AXDND1: variants seen among roughly 807,000 people sequenced by gnomAD.
AXDND1 encodes axonemal dynein light chain domain containing 1.
Under a neutral mutation model 137.5 loss-of-function variants are expected in AXDND1, and 110 were observed. The ratio of observed to expected loss-of-function variants is 0.80; its 90% CI spans 0.69 to 0.94. The LOEUF (loss-of-function observed/expected upper bound fraction) is 0.94. Among genes scored for constraint, AXDND1 ranks in the 40% least tolerant of loss-of-function variants. The pLI is 0.00. For synonymous variants in AXDND1, 414 were observed against 399.7 expected (o/e 1.04, Z -0.43); for missense variants, 1,191 against 1,169.8 (o/e 1.02, Z -0.26).
At chr1:179,366,364 CTTT>C in intron 1 of AXDND1, 37 bp from the exon 2 acceptor site, 6 of 492,152 alleles carry the variant, frequency 1.2e-5, no homozygotes, top group South Asian at 2.4e-5. Flanking sequence ...TAGTTGTCAT[CTTT>C]TTTTTTTTTT....
chr1:179,475,185 A>G (rs1267448656), intron 17 of AXDND1, among the ~76,000 whole-genome samples: 1 of 152,236 alleles, frequency 6.6e-6, no homozygotes, highest in African/African-American at 2.4e-5. Flanking sequence ...CTGCTAGGGC[A>G]GTACGAAAGG....
intron 22 of AXDND1, among the ~76,000 whole-genome samples, chr1:179,526,882 T>G (rs1670579892): frequency 6.6e-6 from 1 of 152,206 alleles, no homozygotes; most frequent in Non-Finnish European, 1.5e-5. Context: ...AGTCACAAGA[T>G]GTTTATGGTT....
chr1:179,383,132 T>C (rs1403095188), intron 7 of AXDND1, among the ~76,000 whole-genome samples: 1 of 152,116 alleles, frequency 6.6e-6, no homozygotes, highest in African/African-American at 2.4e-5. Flanking sequence ...AAGTTTGATG[T>C]TTATCTCCCT....
intron 11 of AXDND1, among the ~76,000 whole-genome samples, chr1:179,400,418 G>C (rs1488743899): frequency 3.3e-5 from 5 of 151,954 alleles, no homozygotes; most frequent in Non-Finnish European, 7.4e-5. Flanking sequence ...TGGGGACTTG[G>C]GGGAAAGAGT....
rs764120960 is a variant in AXDND1, at chr1:179,395,186, G to A, written c.1093G>A (p.Ala365Thr). The change falls in exon 11 of 26, where the codon GCG becomes ACG. Residue 365 changes from alanine (A) to threonine (T), a missense_variant. Coordinates refer to ENST00000367618, the MANE Select transcript of AXDND1 (RefSeq NM_144696.6). Reference protein sequence around the residue: ...HKDLAQALLNAEKNAKIVEEY... With the variant: ...HKDLAQALLNTEKNAKIVEEY... ...GGATTTGGCACAAGCTCTTTTAAAT[G>A]CGGAAAAGAATGCCAAGTGAGTTGC... The A allele has an allele frequency of 1.9e-6, 3 of 1,612,466 alleles. No individual in the cohort carries two copies. The African/African-American group carries it at 4.0e-5, about 22-fold the overall frequency.
chr1:179,429,865 A>G (rs1344642408), intron 13 of AXDND1, among the ~76,000 whole-genome samples: 3 of 151,196 alleles, frequency 2.0e-5, no homozygotes, highest in Non-Finnish European at 4.4e-5. Flanking sequence ...TTATGATCCT[A>G]TTGATTCATG....
intron 23 of AXDND1, 152 bp downstream of exon 23, chr1:179,528,583 G>GAA (rs1670758837): frequency 4.9e-6 from 2 of 406,546 alleles, no homozygotes; most frequent in Non-Finnish European, 8.5e-6. Flanking sequence ...ATAATTCCTG[G>GAA]AAAACTCCTT....
chr1:179,381,209 T>G (rs1354586906), intron 6 of AXDND1, among the ~76,000 whole-genome samples: 1 of 150,912 alleles, frequency 6.6e-6, no homozygotes, highest in Admixed American at 6.6e-5. Context: ...CCTGGCTAAT[T>G]TTTTGTATTT....
At chr1:179,501,480 G>A (rs563145572) in intron 20 of AXDND1, among the ~76,000 whole-genome samples, 1 of 152,162 alleles carries the variant, frequency 6.6e-6, no homozygotes, top group Non-Finnish European at 1.5e-5. Context: ...GGGAGGCTGA[G>A]GCGGGTGGAT....
intron 11 of AXDND1, among the ~76,000 whole-genome samples, chr1:179,405,939 C>T (rs1652886639): frequency 6.6e-6 from 1 of 151,342 alleles, no homozygotes; most frequent in African/African-American, 2.4e-5. Flanking sequence ...TTTTCTAGTT[C>T]CTGGAATAAT....
At chr1:179,532,285 G>A (rs1238564540) in intron 23 of AXDND1, among the ~76,000 whole-genome samples, 5 of 152,146 alleles carry the variant, frequency 3.3e-5, no homozygotes, top group Non-Finnish European at 7.4e-5. Context: ...AGGCTCAAAT[G>A]CACGCAGGTA....
intron 20 of AXDND1, among the ~76,000 whole-genome samples, chr1:179,503,321 CTG>C (rs1289192699): frequency 6.6e-5 from 10 of 151,970 alleles, no homozygotes; most frequent in Admixed American, 2.0e-4. Context: ...TATTATAAAA[CTG>C]TTTAAAAACT....
intron 12 of AXDND1, among the ~76,000 whole-genome samples, chr1:179,425,114 T>G (rs1481810252): frequency 6.6e-6 from 1 of 152,242 alleles, no homozygotes; most frequent in African/African-American, 2.4e-5. Context: ...TCTATTACTT[T>G]GCATTGAAGG....
intron 16 of AXDND1, among the ~76,000 whole-genome samples, chr1:179,445,981 C>T (rs764883564): frequency 2.0e-5 from 3 of 152,170 alleles, no homozygotes; most frequent in Non-Finnish European, 2.9e-5. Context: ...GAAGGTTCCA[C>T]TTTCTCTGCA....
In AXDND1 at chr1:179,383,468, C is replaced by T; in HGVS notation, c.665C>T (p.Ala222Val). 2 of 1,613,710 alleles carry T rather than the reference C, an allele frequency of 1.2e-6. No homozygotes were observed. Among genetic ancestry groups the T allele is most frequent in the Non-Finnish European group, 1.7e-6 (2 of 1,179,750 alleles). The change falls in exon 8 of 26, where the codon GCC becomes GTC. Residue 222 changes from alanine (A) to valine (V), a missense_variant. Coordinates refer to ENST00000367618, the MANE Select transcript of AXDND1 (RefSeq NM_144696.6). ...AAACCTAATAAAAGAGTAGAAGTGG[C>T]CCAGCTGAATGATGTGATGGATACT... ...SMKPNKRVEV[A>V]QLNDVMDTML...
chr1:179,368,639 T>A (rs911665585), intron 2 of AXDND1, among the ~76,000 whole-genome samples, 161 bp from the exon 3 acceptor site: 1 of 152,208 alleles, frequency 6.6e-6, no homozygotes, highest in Admixed American at 6.5e-5. Flanking sequence ...CTTGACTAGA[T>A]GATGTTCACT....
chr1:179,384,530 C>A (rs1033489185), intron 8 of AXDND1, among the ~76,000 whole-genome samples: 8 of 152,036 alleles, frequency 5.3e-5, no homozygotes, highest in Non-Finnish European at 1.0e-4. Context: ...TCACATAGTT[C>A]TTTTAGTTGT....
At chr1:179,456,079 C>T (rs986287157) in intron 16 of AXDND1, 3 of 481,572 alleles carry the variant, frequency 6.2e-6, no homozygotes, top group East Asian at 1.2e-4. Flanking sequence ...TGCCCATACT[C>T]ATCAGTATTT....
chr1:179,411,737 A>G (rs12085170), intron 12 of AXDND1, among the ~76,000 whole-genome samples: 1,579 of 152,018 alleles, frequency 0.01, 34 homozygotes, highest in African/African-American at 0.035. Flanking sequence ...GTTTGGGAAC[A>G]TGTTAAAATT....
Sources: gnomAD v4.1 joint callset for allele counts (sites outside exome capture counted in the v4.1 genomes callset) on GRCh38, gnomAD v4.1.1 for gene constraint, MANE v1.5 for transcripts, NCBI Gene and HGNC (gene_info 2026-07-23, HGNC 2026-07-21) for gene names.